Variants in MARCHF1 observed in about 807,000 individuals in gnomAD.
MARCHF1 encodes membrane associated ring-CH-type finger 1, also known as E3 ubiquitin-protein ligase MARCHF1.
In MARCHF1, 40 loss-of-function variants were observed where a neutral mutation model predicts 54.2. The ratio of observed to expected loss-of-function variants is 0.74; its 90% confidence interval spans 0.57 to 0.96. MARCHF1 has a LOEUF of 0.96. Among genes scored for constraint, MARCHF1 ranks in the 40% least tolerant of loss-of-function variants. The pLI, the probability that MARCHF1 is intolerant of heterozygous loss-of-function variation, is 0.00. For synonymous variants in MARCHF1, 236 were observed against 236.3 expected (o/e 1.00, Z 0.01); for missense variants, 586 against 656.5 (o/e 0.89, Z 1.17).
intron 9 of MARCHF1, among the ~76,000 whole-genome samples, chr4:163,534,879 G>A (rs1738476441): frequency 6.6e-6 from 1 of 151,896 alleles, no homozygotes; most frequent in South Asian, 2.1e-4. Context: ...GGTAATAGTG[G>A]TACTGTATCA....
At chr4:163,648,631 T>G (rs1425721248) in intron 5 of MARCHF1, among the ~76,000 whole-genome samples, 1 of 82,428 alleles carries the variant, frequency 1.2e-5, no homozygotes, top group African/African-American at 4.8e-5. Context: ...AAAAAAAAAC[T>G]AGAGAGGAAA....
chr4:164,044,619 A>G (rs1260955388), intron 2 of MARCHF1, among the ~76,000 whole-genome samples: 1 of 152,132 alleles, frequency 6.6e-6, no homozygotes, highest in Admixed American at 6.6e-5. Flanking sequence ...ACTTTGAGGG[A>G]GCAGGTGGTG....
At chr4:163,647,680 TAAA>T (rs1051914546) in intron 5 of MARCHF1, among the ~76,000 whole-genome samples, 15 of 150,662 alleles carry the variant, frequency 1.0e-4, no homozygotes, top group African/African-American at 3.7e-4. Context: ...AAGGAAGAAA[TAAA>T]AAGAAAAATA....
intron 3 of MARCHF1, among the ~76,000 whole-genome samples, chr4:163,971,892 T>C (rs895983108): frequency 3.3e-5 from 5 of 152,224 alleles, no homozygotes; most frequent in African/African-American, 9.6e-5. Flanking sequence ...GGAAGCCACA[T>C]GCACATGTAT....
intron 3 of MARCHF1, among the ~76,000 whole-genome samples, chr4:163,970,098 C>T (rs1393887088): frequency 1.3e-5 from 2 of 152,138 alleles, no homozygotes; most frequent in Non-Finnish European, 2.9e-5. Flanking sequence ...GACACAGTGA[C>T]TTAGACTACT....
intron 8 of MARCHF1, among the ~76,000 whole-genome samples, chr4:163,567,752 TG>T (rs1450788842): frequency 4.6e-5 from 7 of 152,212 alleles, no homozygotes; most frequent in African/African-American, 1.4e-4. Context: ...CTCTTTCTTT[TG>T]TAAATTGCTC....
At chr4:163,633,442 A>G (rs1457967190) in intron 5 of MARCHF1, among the ~76,000 whole-genome samples, 1 of 152,226 alleles carries the variant, frequency 6.6e-6, no homozygotes, top group Non-Finnish European at 1.5e-5. Context: ...AGAACTACGT[A>G]AAGAATGCAG....
chr4:164,120,334 AG>A (rs547462556), intron 1 of MARCHF1, among the ~76,000 whole-genome samples: 132 of 152,250 alleles, frequency 8.7e-4, no homozygotes, highest in African/African-American at 2.9e-3. Flanking sequence ...AGATACATAA[AG>A]GAAGTATTAT....
At chr4:164,254,501 T>C (rs911579757) in intron 1 of MARCHF1, among the ~76,000 whole-genome samples, 4 of 151,508 alleles carry the variant, frequency 2.6e-5, no homozygotes, top group African/African-American at 9.7e-5. Context: ...TATATGTGTA[T>C]ACATATATAG....
At chr4:163,554,086 T>C (rs562599918) in intron 8 of MARCHF1, among the ~76,000 whole-genome samples, 2 of 152,318 alleles carry the variant, frequency 1.3e-5, no homozygotes, top group African/African-American at 4.8e-5. Context: ...AGACTAGTAC[T>C]TGAGACACAC....
chr4:164,010,261 T>C (rs898455510), intron 2 of MARCHF1, among the ~76,000 whole-genome samples: 1 of 151,222 alleles, frequency 6.6e-6, no homozygotes, highest in Non-Finnish European at 1.5e-5. Flanking sequence ...TTTGGTTTTT[T>C]TTTTTTTCTG....
intron 1 of MARCHF1, among the ~76,000 whole-genome samples, chr4:164,245,394 C>A (rs1732914938): frequency 6.6e-6 from 1 of 152,202 alleles, no homozygotes; most frequent in South Asian, 2.1e-4. Context: ...TGACAAAATT[C>A]AACGATGCTT....
intron 3 of MARCHF1, among the ~76,000 whole-genome samples, chr4:163,944,133 ATTTTTTTTTTTT>A (rs5863642): frequency 1.8e-5 from 2 of 110,128 alleles, no homozygotes; most frequent in African/African-American, 6.8e-5. Flanking sequence ...CACCGGGCTA[ATTTTTTTTTTTT>A]TTTTTTTTTT....
At chr4:164,316,827 T>C (rs1249116033) in intron 1 of MARCHF1, among the ~76,000 whole-genome samples, 1 of 152,086 alleles carries the variant, frequency 6.6e-6, no homozygotes, top group East Asian at 1.9e-4. Context: ...TCTCACATGA[T>C]CTGGTTGTTT....
intron 2 of MARCHF1, among the ~76,000 whole-genome samples, chr4:164,075,699 G>C (rs1001447125): frequency 6.6e-5 from 10 of 152,192 alleles, no homozygotes; most frequent in African/African-American, 1.9e-4. Flanking sequence ...AGCTCTATTT[G>C]GTCTTTAGGA....
At chr4:164,281,099 A>G (rs945819375) in intron 1 of MARCHF1, among the ~76,000 whole-genome samples, 1 of 152,152 alleles carries the variant, frequency 6.6e-6, no homozygotes, top group African/African-American at 2.4e-5. Context: ...TTGTATTCTT[A>G]TATCTGTTAG....
At chr4:164,229,318 T>A (rs1732345010) in intron 1 of MARCHF1, among the ~76,000 whole-genome samples, 1 of 152,212 alleles carries the variant, frequency 6.6e-6, no homozygotes, top group South Asian at 2.1e-4. Context: ...TTCCTTTGTG[T>A]GCTCTCTCTT....
chr4:164,010,256 T>G (rs1014917726), intron 2 of MARCHF1, among the ~76,000 whole-genome samples: 38 of 136,658 alleles, frequency 2.8e-4, no homozygotes, highest in African/African-American at 5.3e-4. Context: ...TGTTTTTTGG[T>G]TTTTTTTTTT....
At chr4:163,924,797 C>T (rs866495997) in intron 3 of MARCHF1, among the ~76,000 whole-genome samples, 2 of 151,762 alleles carry the variant, frequency 1.3e-5, no homozygotes, top group Admixed American at 6.6e-5. Flanking sequence ...GCCAAATTTG[C>T]TCTACTGTCT....
Sources: allele counts gnomAD v4.1 joint callset (sites outside exome capture counted in the v4.1 genomes callset), GRCh38; gene constraint gnomAD v4.1.1; transcripts MANE v1.5; gene names NCBI Gene and HGNC (gene_info 2026-07-23, HGNC 2026-07-21).